The following AGBL1 variants were observed in gnomAD, a reference collection of about 807,000 sequenced individuals.
The protein encoded by AGBL1 is AGBL carboxypeptidase 1.
A neutral mutation model predicts 118.9 loss-of-function variants in AGBL1; 130 were observed. The ratio of observed to expected loss-of-function variants is 1.09; its 90% CI spans 0.95 to 1.26. AGBL1 has a LOEUF of 1.26. AGBL1 is among the 50% of genes most tolerant of loss of function. The probability of loss-of-function intolerance (pLI) is 0.00; values close to 1 mark genes in which losing one functional copy is unlikely to be tolerated. For synonymous variants in AGBL1, 555 were observed against 478.9 expected (o/e 1.16, Z -2.08); for missense variants, 1,584 against 1,298.1 (o/e 1.22, Z -3.38).
intron 22 of AGBL1, among the ~76,000 whole-genome samples, chr15:86,747,425 A>G (rs1480415897): frequency 6.6e-6 from 1 of 152,180 alleles, no homozygotes; most frequent in Admixed American, 6.6e-5. Context: ...CAAAATGTCT[A>G]AGTATGAAAG....
chr15:86,737,249 G>A (rs968758041), intron 22 of AGBL1, among the ~76,000 whole-genome samples: 6 of 152,114 alleles, frequency 3.9e-5, no homozygotes, highest in Non-Finnish European at 7.4e-5. Flanking sequence ...AAAATTTCAC[G>A]GAGGAGGTGA....
intron 18 of AGBL1, among the ~76,000 whole-genome samples, chr15:86,509,560 A>C (rs191600599): frequency 6.6e-6 from 1 of 152,280 alleles, no homozygotes; most frequent in East Asian, 1.9e-4. Context: ...AATTATGTCA[A>C]ATTGGAGGAG....
chr15:86,109,986 C>T (rs529422200), intron 1 of AGBL1: 3 of 152,212 alleles, frequency 2.0e-5, no homozygotes, highest in Admixed American at 6.5e-5. Flanking sequence ...ACTCCAAAGC[C>T]ACCCGAACAG....
chr15:86,403,072 T>C (rs1474419941), intron 18 of AGBL1, among the ~76,000 whole-genome samples: 1 of 152,038 alleles, frequency 6.6e-6, no homozygotes, highest in Non-Finnish European at 1.5e-5. Context: ...AAGTGATAAT[T>C]GGTAGCTGGA....
rs2078646993 is a variant in AGBL1 at position 86,801,319 on chromosome 15, A to ATCTG, written c.3159-105765_3159-105764insGTCT. 2.1e-5 allele frequency among the ~76,000 whole-genome samples: 3 copies of ATCTG among 139,590 alleles called. No homozygotes were observed. In the South Asian group the frequency reaches 6.4e-4, roughly 30 times the overall value. The allele number at this position is 139,590 out of a possible 152,430, so 91.6% of individuals were successfully genotyped here. A position where few individuals can be genotyped will look rare whatever the true frequency, so the allele number is the denominator to read the frequency against. ...TAACTGTTGATGATTACATCTATCT[A>ATCTG]TCTATCTATCTATCTATCTATCTAT... On this transcript the variant is annotated intron_variant, in intron 22 of 22. Transcript: ENST00000614907.
At chr15:86,405,409 G>T (rs2081510486) in intron 18 of AGBL1, among the ~76,000 whole-genome samples, 1 of 152,046 alleles carries the variant, frequency 6.6e-6, no homozygotes, top group African/African-American at 2.4e-5. Context: ...CCAGCTACTT[G>T]GGAGGGTGAG....
chr15:86,286,115 T>C (rs1353281421), intron 16 of AGBL1, among the ~76,000 whole-genome samples: 1 of 127,734 alleles, frequency 7.8e-6, no homozygotes, highest in Admixed American at 7.5e-5. Flanking sequence ...TTTTTCTTTT[T>C]CTTTTTTTTT....
intron 18 of AGBL1, among the ~76,000 whole-genome samples, chr15:86,480,771 A>T (rs992453951): frequency 2.0e-5 from 3 of 151,992 alleles, no homozygotes; most frequent in Non-Finnish European, 4.4e-5. Flanking sequence ...CTCTGAGGCT[A>T]GGCAGGATTT....
At chr15:86,946,769 G>T (rs777820297) in intron 23 of AGBL1, among the ~76,000 whole-genome samples, 4 of 151,048 alleles carry the variant, frequency 2.6e-5, no homozygotes, top group African/African-American at 7.3e-5. Flanking sequence ...GGTTGAACCC[G>T]GGAGGGGGAG....
intron 24 of AGBL1, among the ~76,000 whole-genome samples, chr15:86,998,210 A>G (rs911476747): frequency 1.3e-5 from 2 of 152,182 alleles, no homozygotes; most frequent in Non-Finnish European, 2.9e-5. Flanking sequence ...ATATAGCAAA[A>G]GTGATAGGAT....
intron 17 of AGBL1, among the ~76,000 whole-genome samples, chr15:86,371,050 A>G (rs1362069726): frequency 1.3e-5 from 2 of 152,246 alleles, no homozygotes; most frequent in Non-Finnish European, 2.9e-5. Flanking sequence ...GGTTAAGATC[A>G]CTTAGGCATT....
At chr15:86,323,695 T>G (rs932797121) in intron 17 of AGBL1, among the ~76,000 whole-genome samples, 1 of 152,178 alleles carries the variant, frequency 6.6e-6, no homozygotes, top group South Asian at 2.1e-4. Context: ...ATAGACAATC[T>G]AAAAAGAATA....
At chr15:86,621,921 T>C (rs1224868738) in intron 21 of AGBL1, among the ~76,000 whole-genome samples, 5 of 152,218 alleles carry the variant, frequency 3.3e-5, no homozygotes, top group African/African-American at 1.2e-4. Flanking sequence ...AAATACAATC[T>C]TGTTTTACAG....
chr15:86,562,675 A>T (rs548777589), intron 21 of AGBL1, among the ~76,000 whole-genome samples: 39 of 152,138 alleles, frequency 2.6e-4, no homozygotes, highest in African/African-American at 9.2e-4. Context: ...GTTAGGGAGG[A>T]TTCCCTCTTT....
chr15:86,860,037 T>C (rs1390482401), intron 22 of AGBL1, among the ~76,000 whole-genome samples: 3 of 152,206 alleles, frequency 2.0e-5, no homozygotes, highest in Non-Finnish European at 4.4e-5. Context: ...TCTAGTCTGA[T>C]TCAATAATGT....
At chr15:86,080,108 C>T in intron 1 of AGBL1, 85 bp downstream of exon 1, 3 of 1,081,750 alleles carry the variant, frequency 2.8e-6, no homozygotes, top group Non-Finnish European at 3.5e-6. Context: ...CACACAGTCC[C>T]CTCTGGCAGT....
At chr15:86,625,719 GA>G (rs1192550696) in intron 21 of AGBL1, among the ~76,000 whole-genome samples, 4 of 152,038 alleles carry the variant, frequency 2.6e-5, no homozygotes, top group Non-Finnish European at 4.4e-5. Context: ...AAACAGAAGA[GA>G]AACACATTTT....
intron 18 of AGBL1, among the ~76,000 whole-genome samples, chr15:86,498,927 G>C (rs2082885815): frequency 6.6e-6 from 1 of 151,890 alleles, no homozygotes; most frequent in South Asian, 2.1e-4. Context: ...CCATGAGGCA[G>C]TTAGCACACA....
At chr15:86,924,111 T>C (rs572515028) in intron 23 of AGBL1, among the ~76,000 whole-genome samples, 2 of 152,376 alleles carry the variant, frequency 1.3e-5, no homozygotes, top group South Asian at 2.1e-4. Flanking sequence ...AAATGTCTAT[T>C]CATGCATATT....
Sources: allele counts gnomAD v4.1 joint callset (sites outside exome capture counted in the v4.1 genomes callset), GRCh38; gene constraint gnomAD v4.1.1; transcripts MANE v1.5; gene names NCBI Gene and HGNC (gene_info 2026-07-23, HGNC 2026-07-21).